CNTNAP2: variants seen among roughly 807,000 people sequenced by gnomAD.
The protein encoded by CNTNAP2 is contactin-associated protein-like 2.
In CNTNAP2, 98 loss-of-function variants were observed where a neutral mutation model predicts 155.2. The ratio of observed to expected loss-of-function variants is 0.63; its 90% CI spans 0.54 to 0.75. CNTNAP2 has a LOEUF of 0.75. CNTNAP2 is among the 30% of genes least tolerant of loss of function. CNTNAP2 has a pLI of 0.00. For synonymous variants in CNTNAP2, 651 were observed against 631.2 expected, an observed-to-expected ratio of 1.03 and a Z score of -0.47; for missense variants, 1,727 against 1,688.1, an observed-to-expected ratio of 1.02 and a Z score of -0.40.
At chr7:147,514,275 T>C (rs1325916185) in intron 11 of CNTNAP2, among the ~76,000 whole-genome samples, 2 of 152,138 alleles carry the variant, frequency 1.3e-5, no homozygotes, top group East Asian at 1.9e-4. Context: ...GTATAAAATA[T>C]ATATAGATAT....
intron 1 of CNTNAP2, among the ~76,000 whole-genome samples, chr7:146,211,393 A>C (rs1343371503): frequency 1.3e-5 from 2 of 152,200 alleles, no homozygotes; most frequent in African/African-American, 4.8e-5. Flanking sequence ...CCTTGATGTA[A>C]AATCAATTAC....
intron 2 of CNTNAP2, among the ~76,000 whole-genome samples, chr7:146,786,363 C>T (rs1361950230): frequency 2.0e-5 from 3 of 152,194 alleles, no homozygotes; most frequent in Non-Finnish European, 4.4e-5. Context: ...TGAACAGACC[C>T]TTCTCTTAAT....
At chr7:146,185,761 CTTTTTTT>C (rs1554400924) in intron 1 of CNTNAP2, among the ~76,000 whole-genome samples, 63 of 94,896 alleles carry the variant, frequency 6.6e-4, no homozygotes, top group African/African-American at 2.0e-3. Context: ...TTTTATTATT[CTTTTTTT>C]TTTTTTTTTT....
At chr7:147,966,419 A>C (rs78625226) in intron 14 of CNTNAP2, among the ~76,000 whole-genome samples, 3,926 of 152,220 alleles carry the variant, frequency 0.026, 159 homozygotes, top group African/African-American at 0.09. Context: ...CTATGGAAAC[A>C]ATGAAGGAAT....
At chr7:148,106,493 G>GATAGATAGATATATAT (rs1490418389) in intron 15 of CNTNAP2, among the ~76,000 whole-genome samples, 39 of 124,896 alleles carry the variant, frequency 3.1e-4, no homozygotes, top group African/African-American at 5.2e-4. Context: ...CACACTTTGA[G>GATAGATAGATATATAT]ATATATATAT....
intron 1 of CNTNAP2, among the ~76,000 whole-genome samples, chr7:146,630,430 G>A (rs933548103): frequency 7.2e-5 from 9 of 125,772 alleles, no homozygotes; most frequent in South Asian, 5.8e-4. Flanking sequence ...TGCAAATAGC[G>A]CTGTGATAAA....
chr7:148,353,889 T>C (rs1294150503), intron 21 of CNTNAP2, among the ~76,000 whole-genome samples: 2 of 152,246 alleles, frequency 1.3e-5, no homozygotes, highest in Non-Finnish European at 2.9e-5. Flanking sequence ...TTATATTCCA[T>C]TAATAAGTTT....
chr7:148,380,678 C>G (rs1171535834), intron 21 of CNTNAP2, among the ~76,000 whole-genome samples: 1 of 151,954 alleles, frequency 6.6e-6, no homozygotes, highest in African/African-American at 2.4e-5. Flanking sequence ...ATTGGCAAAG[C>G]CTTAACTTCT....
chr7:147,517,429 A>G (rs1156694731), intron 11 of CNTNAP2, among the ~76,000 whole-genome samples: 2 of 152,180 alleles, frequency 1.3e-5, no homozygotes, highest in Non-Finnish European at 1.5e-5. Context: ...GGAAAGAAAC[A>G]TCCGAACGTC....
intron 12 of CNTNAP2, among the ~76,000 whole-genome samples, chr7:147,613,837 C>T (rs890577169): frequency 6.6e-6 from 1 of 152,010 alleles, no homozygotes; most frequent in Admixed American, 6.6e-5. Context: ...AGTGAGACTC[C>T]GTTTCCAATA....
At chr7:148,321,200 G>A (rs1797785880) in intron 21 of CNTNAP2, among the ~76,000 whole-genome samples, 1 of 152,348 alleles carries the variant, frequency 6.6e-6, no homozygotes, top group Non-Finnish European at 1.5e-5. Context: ...GTGGAGAGAT[G>A]TTGAATTTTT....
rs1046681943 is a variant in CNTNAP2, at chr7:147,180,282, C to G, written c.1348+47773C>G. ...CTAGAGATTTTTATTATCTGGTGAT[C>G]CAACCCTTTTTGGAGTGACTAATCA... On this transcript the variant is annotated intron_variant, in intron 8 of 23. Transcript: ENST00000361727. Among the ~76,000 whole-genome samples, 3 of 152,226 alleles carry G rather than the reference C, an allele frequency of 2.0e-5. No homozygotes were observed. In the South Asian group the frequency reaches 6.2e-4, roughly 32 times the overall value.
At chr7:147,277,310 A>T (rs1432487271) in intron 8 of CNTNAP2, among the ~76,000 whole-genome samples, 1 of 152,026 alleles carries the variant, frequency 6.6e-6, no homozygotes, top group Non-Finnish European at 1.5e-5. Context: ...TGGTTCAGGT[A>T]CATGTCATAA....
At chr7:148,408,982 A>G (rs1295187220) in intron 22 of CNTNAP2, among the ~76,000 whole-genome samples, 1 of 152,224 alleles carries the variant, frequency 6.6e-6, no homozygotes, top group Non-Finnish European at 1.5e-5. Flanking sequence ...TTAATACTGT[A>G]GCTGTAAAAA....
At chr7:146,135,296 T>C (rs1797780963) in intron 1 of CNTNAP2, among the ~76,000 whole-genome samples, 1 of 152,108 alleles carries the variant, frequency 6.6e-6, no homozygotes, top group East Asian at 1.9e-4. Flanking sequence ...AGTTCTATGA[T>C]ATGATTAGAC....
chr7:148,230,159 T>C (rs113041667), intron 20 of CNTNAP2, among the ~76,000 whole-genome samples: 9 of 152,206 alleles, frequency 5.9e-5, no homozygotes, highest in African/African-American at 2.2e-4. Context: ...TTCTCCGACC[T>C]ACTTCTTTCA....
chr7:147,954,706 G>C (rs2116834614), intron 14 of CNTNAP2, among the ~76,000 whole-genome samples: 1 of 152,156 alleles, frequency 6.6e-6, no homozygotes, highest in South Asian at 2.1e-4. Context: ...AACTCTCTTA[G>C]AAACAATCAT....
chr7:147,187,265 T>C (rs910289658), intron 8 of CNTNAP2, among the ~76,000 whole-genome samples: 2 of 152,024 alleles, frequency 1.3e-5, no homozygotes, highest in African/African-American at 4.8e-5. Flanking sequence ...AGGCATGAGT[T>C]GGGGGCATAA....
chr7:146,211,082 A>G (rs568471386), intron 1 of CNTNAP2, among the ~76,000 whole-genome samples: 1 of 152,298 alleles, frequency 6.6e-6, no homozygotes, highest in East Asian at 1.9e-4. Context: ...CCTTGCAAAC[A>G]TAAACACATT....
Sources: allele counts gnomAD v4.1 joint callset (sites outside exome capture counted in the v4.1 genomes callset), GRCh38; gene constraint gnomAD v4.1.1; transcripts MANE v1.5; gene names NCBI Gene and HGNC (gene_info 2026-07-23, HGNC 2026-07-21).